Variants in TXNDC16 observed in about 807,000 individuals in gnomAD.
TXNDC16 encodes the protein thioredoxin domain containing 16.
In TXNDC16, 74 loss-of-function variants were observed where a neutral mutation model predicts 85.6. The ratio of observed to expected loss-of-function variants is 0.86; its 90% CI spans 0.72 to 1.05. TXNDC16 has a LOEUF of 1.05. TXNDC16 is among the 50% of genes least tolerant of loss of function. The pLI is 0.00. For synonymous variants in TXNDC16, 335 were observed against 326.5 expected (o/e 1.03, Z -0.28); for missense variants, 959 against 947.0 (o/e 1.01, Z -0.17).
At chr14:52,531,403 A>C (rs2037577170) in intron 6 of TXNDC16, among the ~76,000 whole-genome samples, 1 of 152,192 alleles carries the variant, frequency 6.6e-6, no homozygotes, top group East Asian at 1.9e-4. Flanking sequence ...TAATTGCCAA[A>C]ACTTGGCAAC....
chr14:52,547,993 A>G (rs1345326826), intron 1 of TXNDC16, among the ~76,000 whole-genome samples: 3 of 152,214 alleles, frequency 2.0e-5, no homozygotes, highest in Non-Finnish European at 4.4e-5. Context: ...GCAAGGTGAC[A>G]TGTACTTCTG....
rs147641850 is a variant in TXNDC16, at chr14:52,488,480, G to T, written c.991C>A (p.Pro331Thr). The change falls in exon 12 of 21, where the codon CCA (proline) becomes ACA (threonine). Residue 331 changes from proline to threonine, a missense_variant. Physicochemically the swap from Pro to Thr is conservative, Grantham distance 38. Transcript: ENST00000281741. ...TCATGTAATACCAAAAATTCCACTG[G>T]AACTCCCTAGAAATACATTAATTTT... The part of the protein sequence containing the change: ...VVFKRAEEGV[P>T]VEFLVLHDVD... 5.0e-6 allele frequency: 8 copies of T among 1,591,314 alleles called. No individual in the cohort carries two copies. Among genetic ancestry groups the T allele is most frequent in the Non-Finnish European group, 6.9e-6 (8 of 1,162,290 alleles).
intron 9 of TXNDC16, among the ~76,000 whole-genome samples, chr14:52,498,193 TTCAA>T (rs1291412970): frequency 1.3e-5 from 2 of 152,126 alleles, no homozygotes; most frequent in African/African-American, 4.8e-5. Context: ...CAATATCATA[TTCAA>T]TGGTTAAAAA....
chr14:52,551,303 G>A (rs1346454065), intron 1 of TXNDC16, among the ~76,000 whole-genome samples: 3 of 142,822 alleles, frequency 2.1e-5, no homozygotes, highest in African/African-American at 7.6e-5. Context: ...GTGAAACCTC[G>A]TCTCTACCAA....
At chr14:52,463,915 A>G (rs1201501663) in intron 16 of TXNDC16, among the ~76,000 whole-genome samples, 3 of 152,232 alleles carry the variant, frequency 2.0e-5, no homozygotes, top group African/African-American at 7.2e-5. Context: ...CAAAAAAACA[A>G]AAACAAACTA....
At chr14:52,502,843 GAC>G (rs1012962573) in intron 9 of TXNDC16, among the ~76,000 whole-genome samples, 7 of 152,352 alleles carry the variant, frequency 4.6e-5, no homozygotes, top group African/African-American at 1.7e-4. Context: ...AGGGGTGACA[GAC>G]GGAACCTGGA....
At chr14:52,446,180 G>A (rs1361349684) in intron 18 of TXNDC16, among the ~76,000 whole-genome samples, 1 of 152,192 alleles carries the variant, frequency 6.6e-6, no homozygotes, top group Admixed American at 6.5e-5. Context: ...AGGAAAAACA[G>A]TCTTGAATCA....
intron 1 of TXNDC16, among the ~76,000 whole-genome samples, chr14:52,551,213 G>A (rs2038037096): frequency 6.6e-6 from 1 of 151,870 alleles, no homozygotes; most frequent in South Asian, 2.1e-4. Context: ...AAAGTTCCCT[G>A]TGGAATACTT....
chr14:52,454,488 GA>G (rs2035483535), intron 18 of TXNDC16, among the ~76,000 whole-genome samples: 1 of 149,784 alleles, frequency 6.7e-6, no homozygotes, highest in African/African-American at 2.5e-5. Flanking sequence ...TATGTACCCA[GA>G]AAAATTAGAA....
At chr14:52,488,548 T>C in intron 11 of TXNDC16, 62 bp from the exon 12 acceptor site, 1 of 1,406,114 alleles carries the variant, frequency 7.1e-7, no homozygotes, top group Non-Finnish European at 9.6e-7. Flanking sequence ...AAAAATGTTT[T>C]ACTTGGGCCA....
chr14:52,469,858 A>G (rs1035665642), intron 16 of TXNDC16, among the ~76,000 whole-genome samples, 179 bp downstream of exon 16: 2 of 152,222 alleles, frequency 1.3e-5, no homozygotes, highest in African/African-American at 4.8e-5. Context: ...AAAAAGATGG[A>G]AGAAATTACA....
At chr14:52,475,734 C>T (rs1418560722) in intron 14 of TXNDC16, among the ~76,000 whole-genome samples, 1 of 152,138 alleles carries the variant, frequency 6.6e-6, no homozygotes, top group Non-Finnish European at 1.5e-5. Flanking sequence ...CTTCACTACC[C>T]ACCCTGGTAA....
chr14:52,532,580 G>T (rs2140216934), intron 6 of TXNDC16, among the ~76,000 whole-genome samples: 1 of 152,092 alleles, frequency 6.6e-6, no homozygotes, highest in African/African-American at 2.4e-5. Flanking sequence ...GGGACTACAG[G>T]CGCCCGCCAC....
intron 18 of TXNDC16, 148 bp downstream of exon 18, chr14:52,455,176 A>G (rs2035502948): frequency 1.1e-6 from 1 of 886,514 alleles, no homozygotes; most frequent in Non-Finnish European, 1.7e-6. Context: ...TGACTGAACA[A>G]TAAAACAGAA....
chr14:52,495,396 G>C (rs535522993), intron 9 of TXNDC16, among the ~76,000 whole-genome samples: 16 of 152,264 alleles, frequency 1.1e-4, no homozygotes, highest in African/African-American at 3.4e-4. Flanking sequence ...GCAAGGCAGA[G>C]GCACATGACA....
chr14:52,463,093 C>A (rs1473559329), intron 16 of TXNDC16: 2 of 410,846 alleles, frequency 4.9e-6, no homozygotes, highest in Non-Finnish European at 9.5e-6. Context: ...CTGATTCAGA[C>A]ATCTGAGGCC....
At chr14:52,532,118 A>G (rs907938051) in intron 6 of TXNDC16, among the ~76,000 whole-genome samples, 4 of 152,158 alleles carry the variant, frequency 2.6e-5, no homozygotes, top group African/African-American at 9.7e-5. Context: ...TTTGAAGAAC[A>G]CAATAGGGAA....
intron 20 of TXNDC16, among the ~76,000 whole-genome samples, chr14:52,434,738 T>A (rs1594674796): frequency 1.3e-5 from 2 of 152,344 alleles, no homozygotes; most frequent in East Asian, 3.9e-4. Flanking sequence ...CAAAGATCTA[T>A]CTAACAGAGA....
intron 6 of TXNDC16, among the ~76,000 whole-genome samples, chr14:52,521,061 A>T (rs200791789): frequency 2.3e-4 from 35 of 151,406 alleles, no homozygotes; most frequent in East Asian, 5.8e-4. Context: ...CTTTTTATTT[A>T]AAAAAAAACT....
Sources: gnomAD v4.1 joint callset for allele counts (sites outside exome capture counted in the v4.1 genomes callset) on GRCh38, gnomAD v4.1.1 for gene constraint, MANE v1.5 for transcripts, NCBI Gene and HGNC (gene_info 2026-07-23, HGNC 2026-07-21) for gene names.